RLBP1: variants seen among roughly 807,000 people sequenced by gnomAD.
RLBP1 encodes retinaldehyde-binding protein 1.
A neutral mutation model predicts 36.2 loss-of-function variants in RLBP1; 26 were observed. The ratio of observed to expected loss-of-function variants is 0.72; its 90% CI spans 0.53 to 1.00. RLBP1 has a LOEUF of 1.00. Ranked by LOEUF, RLBP1 falls within the 50% of genes least tolerant of loss-of-function variation. The pLI is 0.00. For synonymous variants in RLBP1, 155 were observed against 156.2 expected (o/e 0.99, Z 0.06); for missense variants, 410 against 402.4 (o/e 1.02, Z -0.16).
intron 6 of RLBP1, 25 bp downstream of exon 6, chr15:89,215,035 G>C (rs2051567481): frequency 1.2e-6 from 2 of 1,613,520 alleles, no homozygotes; most frequent in East Asian, 4.5e-5. Flanking sequence ...CCCACAGGGT[G>C]GGAGCCAGGC....
In RLBP1 at chr15:89,218,402, T is replaced by C. The variant is rs1379449285; in HGVS notation, c.141+163A>G. ...TGTCTGGTCAACCCAGTTGCTGCCATAGCCGTGACCACCAGGAAGGACCTT... is the reference window on the plus strand; with the variant it reads ...TGTCTGGTCAACCCAGTTGCTGCCACAGCCGTGACCACCAGGAAGGACCTT... On this transcript the variant is annotated intron_variant, in intron 4 of 8. Transcript: ENST00000268125. The surrounding 1 kb of genome is among the most constrained non-coding windows in gnomAD (Gnocchi z 4.6). Among the ~76,000 whole-genome samples, 3 of 152,228 alleles carry C rather than the reference T, an allele frequency of 2.0e-5. No individual in the cohort carries two copies. Among genetic ancestry groups the C allele is most frequent in the African/African-American group, 4.8e-5 (2 of 41,464 alleles).
Position 89,219,018 on chromosome 15 carries a change from C to T in RLBP1, c.-43G>A, listed in dbSNP as rs1434386101. ...CAGAGTCCTTGGAAAAAGAAGGGAT[C>T]TGCTTTCTCTGTCCTGGCCTCTCCA... On this transcript the variant is annotated 5_prime_UTR_variant, in exon 3 of 9. Coordinates refer to ENST00000268125, the MANE Select transcript of RLBP1 (RefSeq NM_000326.5). 1 of 1,613,676 alleles carries T rather than the reference C, an allele frequency of 6.2e-7. No individual in the cohort carries two copies. The highest frequency in any genetic ancestry group is 1.1e-5 in the South Asian group (1 of 91,060).
In RLBP1 at chr15:89,218,800, A is replaced by G; in HGVS notation, c.13-107T>C. ...GTTCTTTTGCCCAAGGTCATTGTTA[A>G]GCCTCCTCCTTTTGTGGGGTCAGGA... On this transcript the variant is annotated intron_variant, in intron 3 of 8. Coordinates refer to ENST00000268125, the MANE Select transcript of RLBP1 (RefSeq NM_000326.5). This position sits in a 1 kb window ranked among gnomAD's most constrained non-coding sequence, Gnocchi z 4.6. The G allele has an allele frequency of 6.3e-7, 1 of 1,576,716 alleles. No individual in the cohort carries two copies. Among genetic ancestry groups the G allele is most frequent in the East Asian group, 2.3e-5 (1 of 44,310 alleles).
rs750679782 is a variant in RLBP1, at chr15:89,215,166, A to C, written c.419T>G (p.Ile140Ser). The change falls in exon 6 of 9, where the codon ATT (isoleucine) becomes AGT (serine). Residue 140 changes from isoleucine (I) to serine (S), a missense_variant. Physicochemically the swap from Ile to Ser is moderately radical, Grantham distance 142 (BLOSUM62 -2). Transcript: ENST00000268125. Reference protein sequence around the residue: ...SLSPEAVRCTIEAGYPGVLSS... With the variant: ...SLSPEAVRCTSEAGYPGVLSS... ...GAGGACACCAGGGTAGCCAGCTTCA[A>C]TGGTGCAGCGGACAGCCTCTGGGGA... The C allele has an allele frequency of 3.1e-6, 5 of 1,614,156 alleles. No homozygotes were observed. The Admixed American group carries it at 8.3e-5, about 27-fold the overall frequency.
At position 89,210,272 on chromosome 15, in the gene RLBP1, G is replaced by T. The variant is rs546332817; in HGVS notation, c.*13C>A. ...AGAGATTCTAACTACAGTTCAGCTG[G>T]CAGGAGATGTTTTCAGAAGGCTGTG... On this transcript the variant is annotated 3_prime_UTR_variant, in exon 9 of 9. Coordinates refer to ENST00000268125, the MANE Select transcript of RLBP1 (RefSeq NM_000326.5). The surrounding 1 kb of genome is among the most constrained non-coding windows in gnomAD (Gnocchi z 4.7). 3 of 1,613,534 alleles carry T rather than the reference G, an allele frequency of 1.9e-6. No homozygotes were observed. The highest frequency in any genetic ancestry group is 2.7e-5 in the African/African-American group (2 of 74,922).
intron 1 of RLBP1, among the ~76,000 whole-genome samples, chr15:89,220,162 T>C (rs1022922268): frequency 6.6e-6 from 1 of 152,174 alleles, no homozygotes; most frequent in Admixed American, 6.5e-5. Context: ...ACCAAGTCTT[T>C]TTTTGACACC....
At position 89,214,678 on chromosome 15, in the gene RLBP1, C is replaced by A. The variant is rs1483048975; in HGVS notation, c.525+382G>T. On this transcript the variant is annotated intron_variant, in intron 6 of 8. Transcript: ENST00000268125. This position sits in a 1 kb window ranked among gnomAD's most constrained non-coding sequence, Gnocchi z 4.6. The stretch of plus-strand genomic sequence containing the variant: ...GCTCCTAAATAGATTGGAACCTGTG[C>A]TTTCCAGAATCTCTTCCAGCCTATA... 6.6e-6 allele frequency among the ~76,000 whole-genome samples: 1 copy of A among 152,166 alleles called. No homozygotes were observed. Among genetic ancestry groups the A allele is most frequent in the Admixed American group, 6.5e-5 (1 of 15,280 alleles).
At chr15:89,213,727 G>T (rs967004964) in intron 6 of RLBP1, among the ~76,000 whole-genome samples, 1 of 152,098 alleles carries the variant, frequency 6.6e-6, no homozygotes, top group African/African-American at 2.4e-5. Flanking sequence ...AAAACAGAAG[G>T]CATCTCACAT....
At chr15:89,213,072 G>A (rs1268305581) in intron 6 of RLBP1, among the ~76,000 whole-genome samples, 3 of 152,014 alleles carry the variant, frequency 2.0e-5, no homozygotes, top group Admixed American at 6.6e-5. Flanking sequence ...TATCACTTAC[G>A]TAATAAGAAA....
chr15:89,213,778 A>G (rs181158080), intron 6 of RLBP1, among the ~76,000 whole-genome samples: 122 of 152,336 alleles, frequency 8.0e-4, no homozygotes, highest in Admixed American at 5.7e-3. Flanking sequence ...ACATTCTGAA[A>G]GAAGCCAGCT....
chr15:89,217,452 G>C lies in RLBP1; in HGVS notation c.142-128C>G, dbSNP rs906710645. On this transcript the variant is annotated intron_variant, in intron 4 of 8. Coordinates refer to ENST00000268125, the MANE Select transcript of RLBP1 (RefSeq NM_000326.5). ...CCCAGGGGTCTGCAGCCGCAGCTTT[G>C]CTTTTCTGCCCCAGGGGCAGCATCT... The C allele has an allele frequency of 1.0e-5, 9 of 887,810 alleles. No individual in the cohort carries two copies. In the Admixed American group the frequency reaches 1.1e-4, roughly 11 times the overall value. The allele number at this position is 887,810 out of a possible 1,614,324, so 55.0% of individuals were successfully genotyped here.
chr15:89,217,261 T>C lies in RLBP1; in HGVS notation c.205A>G (p.Met69Val), dbSNP rs1210634887. The change falls in exon 5 of 9, where the codon ATG (methionine) becomes GTG (valine). Residue 69 changes from methionine (M) to valine (V), a missense_variant. Transcript: ENST00000268125. ...REEAVRELQE[M>V]VQAQAASGEE... ...CCCGAGGCCGCCTGCGCCTGCACCATCTCCTGCAGCTCTCGCACTGCCTCC... is the reference window on the plus strand; with the variant it reads ...CCCGAGGCCGCCTGCGCCTGCACCACCTCCTGCAGCTCTCGCACTGCCTCC... 4 of 1,610,986 alleles carry C rather than the reference T, an allele frequency of 2.5e-6. No homozygotes were observed. The highest frequency in any genetic ancestry group is 1.3e-5 in the African/African-American group (1 of 75,054).
chr15:89,211,448 G>A lies in RLBP1; in HGVS notation c.684+295C>T, dbSNP rs987464016. On this transcript the variant is annotated intron_variant, in intron 7 of 8. Transcript: ENST00000268125. This position sits in a 1 kb window ranked among gnomAD's most constrained non-coding sequence, Gnocchi z 5.8. ...GTCTGGCCTCTGCCGCTTTATTGCT[G>A]TGTGACCTCGAGATGTCTCTTAAAT... Among the ~76,000 whole-genome samples, 3 of 152,216 alleles carry A rather than the reference G, an allele frequency of 2.0e-5. No individual in the cohort carries two copies. The highest frequency in any genetic ancestry group is 7.2e-5 in the African/African-American group (3 of 41,462).
At chr15:89,212,062 AG>A (rs1284448323) in intron 6 of RLBP1, among the ~76,000 whole-genome samples, 161 bp from the exon 7 acceptor site, 2 of 152,206 alleles carry the variant, frequency 1.3e-5, no homozygotes, top group African/African-American at 4.8e-5. Context: ...CAAGAAAACA[AG>A]TTCAAATGTC....
rs755241521 is a variant in RLBP1, at chr15:89,210,263, G to A, written c.*22C>T. 5 of 1,613,498 alleles carry A rather than the reference G, an allele frequency of 3.1e-6. No homozygotes were observed. Among genetic ancestry groups the A allele is most frequent in the Non-Finnish European group, 4.2e-6 (5 of 1,179,934 alleles). ...GAGAGGCCCAGAGATTCTAACTACA[G>A]TTCAGCTGGCAGGAGATGTTTTCAG... On this transcript the variant is annotated 3_prime_UTR_variant, in exon 9 of 9. Coordinates refer to ENST00000268125, the MANE Select transcript of RLBP1 (RefSeq NM_000326.5). This position sits in a 1 kb window ranked among gnomAD's most constrained non-coding sequence, Gnocchi z 4.7.
At chr15:89,213,915 G>GC in intron 6 of RLBP1, among the ~76,000 whole-genome samples, 1 of 152,114 alleles carries the variant, frequency 6.6e-6, no homozygotes, top group South Asian at 2.1e-4. Flanking sequence ...AGCTAGAAAA[G>GC]CCCCCCAAAA....
chr15:89,221,341 T>G (rs3759922), intron 1 of RLBP1, among the ~76,000 whole-genome samples, 194 bp downstream of exon 1: 43,894 of 152,172 alleles, frequency 0.29, 7,911 homozygotes, highest in Non-Finnish European at 0.4. Flanking sequence ...GCTGTTCATC[T>G]GAAATTCACA....
At position 89,210,728 on chromosome 15, in the gene RLBP1, G is replaced by T; in HGVS notation, c.766C>A (p.Pro256Thr). The change falls in exon 8 of 9, where the codon CCC (proline) becomes ACC (threonine). Residue 256 changes from proline (P) to threonine (T), a missense_variant. Physicochemically the swap from Pro to Thr is conservative, Grantham distance 38. Coordinates refer to ENST00000268125, the MANE Select transcript of RLBP1 (RefSeq NM_000326.5). This position sits in a 1 kb window ranked among gnomAD's most constrained non-coding sequence, Gnocchi z 4.7. ...YFTTTYNVVK[P>T]FLKSKLLERV... ...TCAAGCAGCTTGCTCTTCAAGAAGG[G>T]CTTGACCACATTGTAGGTCGTGGTG... The T allele has an allele frequency of 6.2e-7, 1 of 1,601,336 alleles. No homozygotes were observed. Among genetic ancestry groups the T allele is most frequent in the Non-Finnish European group, 8.5e-7 (1 of 1,172,730 alleles).
intron 1 of RLBP1, among the ~76,000 whole-genome samples, chr15:89,221,003 CT>C (rs562626834): frequency 0.093 from 12,044 of 129,270 alleles, 440 homozygotes; most frequent in African/African-American, 0.14. Flanking sequence ...TAAATGTGAA[CT>C]TTTTTTTTTT....
Sources: allele counts gnomAD v4.1 joint callset (sites outside exome capture counted in the v4.1 genomes callset), GRCh38; gene constraint gnomAD v4.1.1; non-coding constraint Gnocchi (gnomAD v3.1); transcripts MANE v1.5; gene names NCBI Gene and HGNC (gene_info 2026-07-23, HGNC 2026-07-21).